FNBP4: variants seen among roughly 807,000 people sequenced by gnomAD.
FNBP4 encodes the protein formin binding protein 4.
In FNBP4, 34 loss-of-function variants were observed where a neutral mutation model predicts 119.3. The ratio of observed to expected loss-of-function variants is 0.28; its 90% CI spans 0.22 to 0.38. FNBP4 has a LOEUF of 0.38. Ranked by LOEUF, FNBP4 falls within the 10% of genes least tolerant of loss-of-function variation. The pLI, the probability that FNBP4 is intolerant of heterozygous loss-of-function variation, is 1.00. For missense variants in FNBP4, 1,112 were observed against 1,228.9 expected (o/e 0.90, Z 1.42); for synonymous variants, 462 against 430.6 (o/e 1.07, Z -0.90).
intron 2 of FNBP4, among the ~76,000 whole-genome samples, chr11:47,762,381 C>T (rs2097637452): frequency 6.6e-6 from 1 of 152,074 alleles, no homozygotes; most frequent in African/African-American, 2.4e-5. Context: ...CCCGCCTTGG[C>T]CTCCCAAAGT....
intron 6 of FNBP4, among the ~76,000 whole-genome samples, chr11:47,747,275 G>A (rs541514923): frequency 2.0e-5 from 3 of 152,212 alleles, no homozygotes; most frequent in Admixed American, 6.5e-5. Context: ...TGTGATGTCG[G>A]CTCACTGCAA....
chr11:47,722,936 TTTTTAAAAATAAATTTTTAAAAA>T lies in FNBP4; in HGVS notation c.2805+17_2805+39del, dbSNP rs1202153447. The T allele has an allele frequency of 1.4e-6, 2 of 1,459,160 alleles. No homozygotes were observed. 90.4% of individuals were successfully genotyped at this position (1,459,160 alleles called of 1,614,324 possible). ...TTATGTGAATATAACCTCAATAAAA[TTTTTAAAAATAAATTTTTAAAAA>T]GGGAAATTTATTATACCTTGTCTTT... On this transcript the variant is annotated intron_variant, in intron 15 of 16. Transcript: ENST00000263773.
chr11:47,753,386 G>A lies in FNBP4; in HGVS notation c.451-284C>T, dbSNP rs1599242554. 3.3e-5 allele frequency among the ~76,000 whole-genome samples: 5 copies of A among 152,236 alleles called. No individual in the cohort carries two copies. The South Asian group carries it at 1.0e-3, about 32-fold the overall frequency. ...AGCATTCTGGGCGGCCAAGGCGGGC[G>A]GATCACCTGAGGTCAGAAGTTCAAA... is the stretch of plus-strand genomic sequence containing the variant. On this transcript the variant is annotated intron_variant, in intron 3 of 16. Transcript: ENST00000263773.
intron 4 of FNBP4, 45 bp from the exon 5 acceptor site, chr11:47,751,335 T>A (rs746840912): frequency 6.2e-7 from 1 of 1,608,954 alleles, no homozygotes; most frequent in Non-Finnish European, 8.5e-7. Context: ...TCTACAATTC[T>A]GGCTTACATA....
At position 47,717,386 on chromosome 11, in the gene FNBP4, AAAC is replaced by A; in HGVS notation, c.*33_*35del. Reference sequence around the variant, plus strand: ...TAAGACTTTGAACTGAACACAAAACAAACAATAATACAAAAAAGTTTTAAAAAC... The same window carrying A: ...TAAGACTTTGAACTGAACACAAAACAAATAATACAAAAAAGTTTTAAAAAC... On this transcript the variant is annotated 3_prime_UTR_variant, in exon 17 of 17. Transcript: ENST00000263773. 7.0e-7 allele frequency: 1 copy of A among 1,420,160 alleles called. No homozygotes were observed. The highest frequency in any genetic ancestry group is 9.8e-7 in the Non-Finnish European group (1 of 1,015,772). 88.0% of individuals were successfully genotyped at this position (1,420,160 alleles called of 1,614,324 possible).
intron 8 of FNBP4, among the ~76,000 whole-genome samples, chr11:47,737,494 C>T (rs1788315762): frequency 6.6e-6 from 1 of 152,110 alleles, no homozygotes; most frequent in African/African-American, 2.4e-5. Flanking sequence ...GGCTGGAGTG[C>T]AGTGGCATGA....
Position 47,731,494 on chromosome 11 carries a change from C to T in FNBP4, c.1888G>A (p.Glu630Lys). 1 of 1,614,032 alleles carries T rather than the reference C, an allele frequency of 6.2e-7. No homozygotes were observed. Among genetic ancestry groups the T allele is most frequent in the Non-Finnish European group, 8.5e-7 (1 of 1,180,018 alleles). ...GCTTGGCTTTCTTCTTCTTCCTCTT[C>T]ACCATCTGGAAACTCCCACTGAGAC... is the stretch of plus-strand genomic sequence containing the variant. ...GESQWEFPDG[E>K]EEEEESQAQE... Residue 630 changes from glutamate (E) to lysine (K), a missense_variant, in exon 12 of 17, where the codon GAA (glutamate) becomes AAA (lysine). Physicochemically the swap from Glu to Lys is moderately conservative, Grantham distance 56. Coordinates refer to ENST00000263773, the MANE Select transcript of FNBP4 (RefSeq NM_015308.5).
At chr11:47,765,651 A>AAAAAT (rs113703557) in intron 1 of FNBP4, among the ~76,000 whole-genome samples, 130,155 of 139,776 alleles carry the variant, frequency 0.93, 61,518 homozygotes, top group East Asian at 1. Context: ...CTAAAAATAC[A>AAAAAT]AAAAATAAAA....
chr11:47,723,291 G>A lies in FNBP4; in HGVS notation c.2490C>T (p.Asn830=), dbSNP rs758661397. Residue 830 remains asparagine, a synonymous_variant, in exon 15 of 17, where the codon AAC becomes AAT. Coordinates refer to ENST00000263773, the MANE Select transcript of FNBP4 (RefSeq NM_015308.5). ...TCTGATGTCCAATTCCTGTTGCCTG[G>A]TTTCCAATCCCTGCTGCCTGGTGAC... ...ATGHQAAGIG[N]QATGIGHQTI... 1.2e-6 allele frequency: 2 copies of A among 1,611,022 alleles called. No homozygotes were observed. The highest frequency in any genetic ancestry group is 2.2e-5 in the South Asian group (2 of 90,904).
chr11:47,719,622 G>T (rs1323317805), intron 16 of FNBP4, among the ~76,000 whole-genome samples: 8 of 149,354 alleles, frequency 5.4e-5, no homozygotes, highest in Non-Finnish European at 3.0e-5. Flanking sequence ...GTGTATAAAA[G>T]GGTCCACTGG....
At chr11:47,760,730 G>A (rs114203511) in intron 2 of FNBP4, among the ~76,000 whole-genome samples, 97 of 152,150 alleles carry the variant, frequency 6.4e-4, no homozygotes, top group African/African-American at 2.3e-3. Context: ...CACCCAGCCT[G>A]GTCTTTTCTA....
chr11:47,735,421 A>G (rs1028930049), intron 9 of FNBP4, among the ~76,000 whole-genome samples: 1 of 152,222 alleles, frequency 6.6e-6, no homozygotes, highest in East Asian at 1.9e-4. Flanking sequence ...TGGTTTTTCC[A>G]ACAGACCACC....
rs1029422134 is a variant in FNBP4 at position 47,765,282 on chromosome 11, C to A, written c.301G>T (p.Val101Phe). Residue 101 changes from valine to phenylalanine, a missense_variant, in exon 2 of 17, where the codon GTT becomes TTT. By Grantham distance (50) the Val-to-Phe change is conservative. Around this residue, in one of 2 missense-constraint regions of FNBP4, gnomAD observed 286 missense variants for 240.1 expected, o/e 1.19. Coordinates refer to ENST00000263773, the MANE Select transcript of FNBP4 (RefSeq NM_015308.5). ...KPVMTTRPTA[V>F]KATGGLCLLG... ...AACAAAAGCATACCTGTTGCTTTAA[C>A]AGCTGTGGGTCTAGTGGTCATGACT... is the stretch of plus-strand genomic sequence containing the variant. 1 of 1,606,416 alleles carries A rather than the reference C, an allele frequency of 6.2e-7. No homozygotes were observed. The highest frequency in any genetic ancestry group is 2.2e-5 in the East Asian group (1 of 44,654).
intron 8 of FNBP4, among the ~76,000 whole-genome samples, chr11:47,738,825 T>A (rs1474035762): frequency 6.7e-6 from 1 of 148,718 alleles, no homozygotes; most frequent in Non-Finnish European, 1.5e-5. Context: ...GGGCTTCAGG[T>A]GTTTGCCACC....
chr11:47,759,678 C>T (rs1446975859), intron 2 of FNBP4, among the ~76,000 whole-genome samples: 1 of 152,002 alleles, frequency 6.6e-6, no homozygotes, highest in Non-Finnish European at 1.5e-5. Context: ...ACTGGCCGGG[C>T]ACGGTGGCTC....
At chr11:47,748,283 A>C (rs2097594905) in intron 6 of FNBP4, among the ~76,000 whole-genome samples, 1 of 151,574 alleles carries the variant, frequency 6.6e-6, no homozygotes, top group Admixed American at 6.6e-5. Flanking sequence ...AATAAAATAA[A>C]ATAAAATAAA....
At chr11:47,761,833 A>C (rs2097635381) in intron 2 of FNBP4, among the ~76,000 whole-genome samples, 1 of 152,018 alleles carries the variant, frequency 6.6e-6, no homozygotes, top group Non-Finnish European at 1.5e-5. Flanking sequence ...GAACTCCAAG[A>C]ATTTAATTTC....
At chr11:47,759,207 C>T (rs1478663750) in intron 2 of FNBP4, among the ~76,000 whole-genome samples, 1 of 68,486 alleles carries the variant, frequency 1.5e-5, no homozygotes, top group Non-Finnish European at 3.0e-5. Flanking sequence ...GGTGTGAGAC[C>T]TGCGCCTGGC....
intron 8 of FNBP4, chr11:47,743,685 G>A (rs1272930045): frequency 6.8e-6 from 3 of 442,748 alleles, no homozygotes; most frequent in Admixed American, 3.7e-5. Flanking sequence ...CCCACACAGA[G>A]GCTGGGCAAC....
Sources: allele counts gnomAD v4.1 joint callset (sites outside exome capture counted in the v4.1 genomes callset), GRCh38; gene constraint gnomAD v4.1.1; regional missense constraint gnomAD v4.1.1; transcripts MANE v1.5; gene names NCBI Gene and HGNC (gene_info 2026-07-23, HGNC 2026-07-21).